The following EVL variants were observed in gnomAD, a reference collection of about 807,000 sequenced individuals.
EVL encodes the protein ena/VASP-like protein.
A neutral mutation model predicts 59.6 loss-of-function variants in EVL; 21 were observed. The observed-to-expected ratio is 0.35, with a 90% CI of 0.25 to 0.51. The LOEUF is 0.51. Ranked by LOEUF, EVL falls within the 20% of genes least tolerant of loss-of-function variation. The pLI, the probability that EVL is intolerant of heterozygous loss-of-function variation, is 0.97. For missense variants in EVL, 462 were observed against 546.6 expected (o/e 0.85, Z 1.54); for synonymous variants, 198 against 203.5 (o/e 0.97, Z 0.23).
chr14:100,091,441 A>G (rs995695120), intron 2 of EVL, among the ~76,000 whole-genome samples: 2 of 152,150 alleles, frequency 1.3e-5, no homozygotes, highest in Non-Finnish European at 2.9e-5. Context: ...ACATTTCTAC[A>G]CAGTGGTCAA....
At chr14:100,126,418 G>A (rs1431521757) in intron 4 of EVL, among the ~76,000 whole-genome samples, 1 of 152,230 alleles carries the variant, frequency 6.6e-6, no homozygotes, top group East Asian at 1.9e-4. Context: ...CTAGCCCAGG[G>A]AAGAGCTTGG....
At chr14:100,031,308 C>T (rs2061311441) in intron 1 of EVL, among the ~76,000 whole-genome samples, 2 of 152,134 alleles carry the variant, frequency 1.3e-5, no homozygotes, top group Non-Finnish European at 2.9e-5. Context: ...TTGGAGTTCA[C>T]GGGAAGAACC....
At chr14:100,060,275 C>A (rs1463555071) in intron 1 of EVL, among the ~76,000 whole-genome samples, 2 of 151,636 alleles carry the variant, frequency 1.3e-5, no homozygotes, top group Non-Finnish European at 2.9e-5. Flanking sequence ...CTAAAAAATA[C>A]AAAAAATTAG....
chr14:100,016,975 A>G (rs1017807371), intron 1 of EVL, among the ~76,000 whole-genome samples: 3 of 152,216 alleles, frequency 2.0e-5, no homozygotes, highest in African/African-American at 4.8e-5. Context: ...CTGACAGTCT[A>G]TCAAATAAGT....
intron 3 of EVL, among the ~76,000 whole-genome samples, chr14:100,098,911 C>T (rs1346077394): frequency 6.6e-6 from 1 of 152,090 alleles, no homozygotes; most frequent in Non-Finnish European, 1.5e-5. Context: ...TCTCAGGTTG[C>T]CTGGCCTAGT....
chr14:100,124,255 G>C (rs1305311075), intron 4 of EVL, among the ~76,000 whole-genome samples: 1 of 152,198 alleles, frequency 6.6e-6, no homozygotes, highest in African/African-American at 2.4e-5. Context: ...ACTCAGCTTT[G>C]TCAGATAGGG....
intron 11 of EVL, 66 bp downstream of exon 11, chr14:100,137,868 GACTA>G: frequency 6.8e-7 from 1 of 1,481,188 alleles, no homozygotes; most frequent in Non-Finnish European, 9.4e-7. Context: ...CCCGTCCCGT[GACTA>G]ACACCCTTGC....
intron 2 of EVL, among the ~76,000 whole-genome samples, chr14:100,091,018 A>G (rs185865173): frequency 5.3e-4 from 80 of 152,320 alleles, no homozygotes; most frequent in Admixed American, 1.4e-3. Context: ...TATTATATTA[A>G]GTGAATTTGG....
rs375521598 is a variant in EVL, at chr14:100,141,251, G to A, written c.1161+5G>A. ...GACTTGGACCGGATGAAGCAGGTGA[G>A]CATGCCCTGTGCCCTTCCCTCAAGA... On this transcript the variant is annotated splice_donor_5th_base_variant and intron_variant, in intron 12 of 13. Transcript: ENST00000392920. 2.9e-5 allele frequency: 46 copies of A among 1,613,602 alleles called. No homozygotes were observed. Among genetic ancestry groups the A allele is most frequent in the Non-Finnish European group, 3.8e-5 (45 of 1,179,916 alleles).
chr14:100,141,025 C>T (rs1195867835), intron 11 of EVL, 155 bp from the exon 12 acceptor site: 1 of 622,006 alleles, frequency 1.6e-6, no homozygotes, highest in Non-Finnish European at 2.8e-6. Flanking sequence ...GCGTTAAATC[C>T]TTCTCAGGCA....
upstream of EVL, among the ~76,000 whole-genome samples, chr14:100,064,102 A>T (rs746434085): frequency 1.6e-4 from 25 of 152,250 alleles, no homozygotes; most frequent in Non-Finnish European, 3.1e-4. Flanking sequence ...TTAAAGGGAA[A>T]TGTATATCAT....
chr14:100,144,102 G>A lies in EVL; in HGVS notation c.*364G>A, dbSNP rs536268869. On this transcript the variant is annotated 3_prime_UTR_variant, in exon 14 of 14. Transcript: ENST00000392920. Reference sequence around the variant, plus strand: ...AGCGCCTCAGCTGGCGGTGACAGCCGGCCCAGCGTGGCGCCACCACACACC... The same window carrying A: ...AGCGCCTCAGCTGGCGGTGACAGCCAGCCCAGCGTGGCGCCACCACACACC... 388 of 327,398 alleles carry A rather than the reference G, an allele frequency of 1.2e-3. No homozygotes were observed. The highest frequency in any genetic ancestry group is 1.8e-3 in the Non-Finnish European group (311 of 174,858). 20.3% of individuals were successfully genotyped at this position (327,398 alleles called of 1,614,324 possible). A position where few individuals can be genotyped will look rare whatever the true frequency, so the allele number is the denominator to read the frequency against.
At chr14:100,057,654 G>A (rs934422279) in intron 1 of EVL, among the ~76,000 whole-genome samples, 2 of 152,172 alleles carry the variant, frequency 1.3e-5, no homozygotes, top group Middle Eastern at 3.2e-3. Context: ...AACTTTTAGC[G>A]TCTTGTGGCT....
At position 100,128,588 on chromosome 14, in the gene EVL, C is replaced by T. The variant is rs1595234466; in HGVS notation, c.557C>T (p.Pro186Leu). 9 of 1,443,482 alleles carry T rather than the reference C, an allele frequency of 6.2e-6. No homozygotes were observed. The highest frequency in any genetic ancestry group is 1.2e-5 in the South Asian group (1 of 86,344). 89.4% of individuals were successfully genotyped at this position (1,443,482 alleles called of 1,614,324 possible). A position where few individuals can be genotyped will look rare whatever the true frequency, so the allele number is the denominator to read the frequency against. ...SAPVSCSGPP[P>L]PPPPPVPPPP... ...CCCGTCTCATGTAGTGGGCCTCCAC[C>T]GCCCCCCCCACCCCCAGTCCCACCT... Residue 186 changes from proline to leucine, a missense_variant, in exon 6 of 14, where the codon CCG becomes CTG. By Grantham distance (98) the Pro-to-Leu change is moderately conservative. Transcript: ENST00000392920.
chr14:100,109,365 A>G lies in EVL; in HGVS notation c.358+11707A>G, dbSNP rs1339975565. On this transcript the variant is annotated intron_variant, in intron 3 of 13. Transcript: ENST00000392920. This position sits in a 1 kb window ranked among gnomAD's most constrained non-coding sequence, Gnocchi z 4.3. Reference sequence around the variant, plus strand: ...TGAAGCCTTCCCAGTGCCCCAGAAGACCTCAGGCACCCCTTCCCAGTCCTC... The same window carrying G: ...TGAAGCCTTCCCAGTGCCCCAGAAGGCCTCAGGCACCCCTTCCCAGTCCTC... 3 of 356,694 alleles carry G rather than the reference A, an allele frequency of 8.4e-6. No homozygotes were observed. The highest frequency in any genetic ancestry group is 3.8e-5 in the Admixed American group (1 of 26,160). The allele number at this position is 356,694 out of a possible 1,614,324, so 22.1% of individuals were successfully genotyped here. A position where few individuals can be genotyped will look rare whatever the true frequency, so the allele number is the denominator to read the frequency against.
At chr14:100,026,436 G>A (rs1239103288) in intron 1 of EVL, among the ~76,000 whole-genome samples, 2 of 152,160 alleles carry the variant, frequency 1.3e-5, no homozygotes, top group African/African-American at 4.8e-5. Context: ...CTATGTGCCT[G>A]AAATGCCATC....
intron 1 of EVL, among the ~76,000 whole-genome samples, chr14:100,051,304 C>G (rs961546918): frequency 2.0e-5 from 3 of 152,008 alleles, no homozygotes; most frequent in Non-Finnish European, 4.4e-5. Context: ...TTGTCAGTCA[C>G]TTGGCAGCTG....
chr14:100,052,291 GT>G (rs1431910954), intron 1 of EVL, among the ~76,000 whole-genome samples: 1 of 152,214 alleles, frequency 6.6e-6, no homozygotes, highest in African/African-American at 2.4e-5. Context: ...TATGTTCTAT[GT>G]CAGACCTTCT....
Position 100,109,524 on chromosome 14 carries a change from C to A in EVL, c.358+11866C>A. The stretch of plus-strand genomic sequence containing the variant: ...CTGACACATCAGAGGTGTCTGGTGA[C>A]TGAACAAGCTCCCAGCTTGCGCCCA... On this transcript the variant is annotated intron_variant, in intron 3 of 13. Coordinates refer to ENST00000392920, the MANE Select transcript of EVL (RefSeq NM_016337.3). This position sits in a 1 kb window ranked among gnomAD's most constrained non-coding sequence, Gnocchi z 4.3. 2.1e-6 allele frequency: 1 copy of A among 466,640 alleles called. No individual in the cohort carries two copies. The highest frequency in any genetic ancestry group is 4.4e-6 in the Non-Finnish European group (1 of 224,824). 28.9% of individuals were successfully genotyped at this position (466,640 alleles called of 1,614,324 possible). A position where few individuals can be genotyped will look rare whatever the true frequency, so the allele number is the denominator to read the frequency against.
Sources: gnomAD v4.1 joint callset for allele counts (sites outside exome capture counted in the v4.1 genomes callset) on GRCh38, gnomAD v4.1.1 for gene constraint, Gnocchi (gnomAD v3.1) non-coding constraint, MANE v1.5 for transcripts, NCBI Gene and HGNC (gene_info 2026-07-23, HGNC 2026-07-21) for gene names.